Variants in EFCAB11 observed in about 807,000 individuals in gnomAD.
The protein encoded by EFCAB11 is EF-hand calcium binding domain 11, also known as EF-hand calcium-binding domain-containing protein 11.
EFCAB11 carries 14 observed loss-of-function variants against 23.0 expected under a neutral mutation model. The ratio of observed to expected loss-of-function variants is 0.61; its 90% CI spans 0.40 to 0.95. EFCAB11 has a LOEUF of 0.95. Among genes scored for constraint, EFCAB11 ranks in the 40% least tolerant of loss-of-function variants. The pLI is 0.00. For missense variants in EFCAB11, 198 were observed against 195.8 expected, an observed-to-expected ratio of 1.01 and a Z score of -0.07; for synonymous variants, 65 against 66.6, an observed-to-expected ratio of 0.98 and a Z score of 0.11.
intron 5 of EFCAB11, among the ~76,000 whole-genome samples, chr14:89,857,933 C>T (rs1386216393): frequency 1.3e-5 from 2 of 152,134 alleles, no homozygotes; most frequent in African/African-American, 2.4e-5. Context: ...ATTCTGATAT[C>T]CAGCTTCTAC....
At chr14:89,936,729 G>C (rs987104438) in intron 3 of EFCAB11, among the ~76,000 whole-genome samples, 1 of 152,156 alleles carries the variant, frequency 6.6e-6, no homozygotes. Flanking sequence ...GTAGTAATAT[G>C]ATCACTTTCC....
At chr14:89,864,794 T>G (rs1888033876) in intron 5 of EFCAB11, among the ~76,000 whole-genome samples, 1 of 152,194 alleles carries the variant, frequency 6.6e-6, no homozygotes, top group South Asian at 2.1e-4. Context: ...AATATCCCTA[T>G]GCGTCAGTGT....
At chr14:89,844,198 T>C (rs970994438) in intron 5 of EFCAB11, among the ~76,000 whole-genome samples, 1 of 152,230 alleles carries the variant, frequency 6.6e-6, no homozygotes, top group African/African-American at 2.4e-5. Flanking sequence ...GTATGGATAC[T>C]TCCCAGAATA....
At chr14:89,930,808 G>T (rs1890362574) in intron 5 of EFCAB11, among the ~76,000 whole-genome samples, 1 of 152,102 alleles carries the variant, frequency 6.6e-6, no homozygotes, top group Admixed American at 6.5e-5. Flanking sequence ...GGGTTTTCTG[G>T]CTCTCGCTGG....
At chr14:89,871,369 G>C (rs1347404370) in intron 5 of EFCAB11, among the ~76,000 whole-genome samples, 1 of 152,132 alleles carries the variant, frequency 6.6e-6, no homozygotes, top group Non-Finnish European at 1.5e-5. Flanking sequence ...ATCTGAAAGA[G>C]GGTAGAGCCT....
chr14:89,914,058 C>T (rs1889761295), intron 5 of EFCAB11, among the ~76,000 whole-genome samples: 1 of 152,182 alleles, frequency 6.6e-6, no homozygotes, highest in Non-Finnish European at 1.5e-5. Flanking sequence ...GTCAGCAACC[C>T]TGTGCTCCCT....
At chr14:89,896,329 G>A (rs866878215) in intron 5 of EFCAB11, among the ~76,000 whole-genome samples, 14 of 152,202 alleles carry the variant, frequency 9.2e-5, no homozygotes, top group Middle Eastern at 3.4e-3. Flanking sequence ...GGCGGAGCTT[G>A]CAGTGAGCCG....
chr14:89,918,372 C>T (rs924806069), intron 5 of EFCAB11, among the ~76,000 whole-genome samples: 4 of 151,946 alleles, frequency 2.6e-5, no homozygotes, highest in Admixed American at 6.6e-5. Flanking sequence ...AACCCCATCT[C>T]TACTAAAAAT....
intron 5 of EFCAB11, among the ~76,000 whole-genome samples, chr14:89,921,558 T>C (rs1388831247): frequency 6.6e-6 from 1 of 152,208 alleles, no homozygotes; most frequent in Non-Finnish European, 1.5e-5. Context: ...GATTAGGCGT[T>C]GCTAATAAGC....
rs1249768375 is a variant in EFCAB11 at position 89,797,207 on chromosome 14, G to C, written c.*36C>G. On this transcript the variant is annotated 3_prime_UTR_variant, in exon 6 of 6. Coordinates refer to ENST00000316738, the MANE Select transcript of EFCAB11 (RefSeq NM_145231.4). The stretch of plus-strand genomic sequence containing the variant: ...GAGTCTGCTGACATTACAATCTATT[G>C]ATCTCCCCAGAGTTACCAAAAGTAG... 1.9e-6 allele frequency: 3 copies of C among 1,546,538 alleles called. No individual in the cohort carries two copies. The South Asian group carries it at 3.4e-5, about 17-fold the overall frequency.
At chr14:89,848,175 T>G (rs148810087) in intron 5 of EFCAB11, among the ~76,000 whole-genome samples, 105 of 152,316 alleles carry the variant, frequency 6.9e-4, no homozygotes, top group African/African-American at 2.4e-3. Context: ...AGTGACCCCA[T>G]TTCACATATA....
At chr14:89,802,069 T>A (rs1269302763) in intron 5 of EFCAB11, among the ~76,000 whole-genome samples, 1 of 152,142 alleles carries the variant, frequency 6.6e-6, no homozygotes, top group African/African-American at 2.4e-5. Flanking sequence ...GTTGACATCA[T>A]AACAATTTCT....
At chr14:89,832,277 C>A (rs1886912225) in intron 5 of EFCAB11, among the ~76,000 whole-genome samples, 1 of 152,134 alleles carries the variant, frequency 6.6e-6, no homozygotes, top group South Asian at 2.1e-4. Flanking sequence ...TGCACCACTG[C>A]ACTCCAGCAC....
chr14:89,937,080 C>T (rs9919909), intron 3 of EFCAB11, among the ~76,000 whole-genome samples: 133,288 of 152,284 alleles, frequency 0.88, 58,703 homozygotes, highest in East Asian at 1. Flanking sequence ...CATCCTTTAC[C>T]GTGGTTACAA....
chr14:89,821,713 G>T (rs917867448), intron 5 of EFCAB11, among the ~76,000 whole-genome samples: 1 of 152,170 alleles, frequency 6.6e-6, no homozygotes, highest in Non-Finnish European at 1.5e-5. Context: ...TGGAGGTGCG[G>T]GAGAGGGAAA....
chr14:89,911,984 G>T (rs1889694091), intron 5 of EFCAB11, among the ~76,000 whole-genome samples: 1 of 152,142 alleles, frequency 6.6e-6, no homozygotes, highest in Non-Finnish European at 1.5e-5. Flanking sequence ...GGAAACTAAG[G>T]CAAGCTGAGA....
rs186342283 is a variant in EFCAB11, at chr14:89,809,637, A to T, written c.411-12313T>A. 6.6e-5 allele frequency among the ~76,000 whole-genome samples: 10 copies of T among 152,348 alleles called. No homozygotes were observed. The East Asian group carries it at 1.7e-3, about 26-fold the overall frequency. ...GTATTTACATTATGCTCAAGCACAG[A>T]CGCACAGTCACCAAGTGCAGAAGTG... On this transcript the variant is annotated intron_variant, in intron 5 of 5. Transcript: ENST00000316738.
rs1037805229 is a variant in EFCAB11 at position 89,930,729 on chromosome 14, G to A, written c.410+812C>T. On this transcript the variant is annotated intron_variant, in intron 5 of 5. Coordinates refer to ENST00000316738, the MANE Select transcript of EFCAB11 (RefSeq NM_145231.4). ...CTTCCCGACTGTGTGGTCAACATTC[G>A]CCCCTGGTTTGCCTATGTTTATATG... Among the ~76,000 whole-genome samples, 6 of 152,242 alleles carry A rather than the reference G, an allele frequency of 3.9e-5. No individual in the cohort carries two copies. In the South Asian group the frequency reaches 1.0e-3, roughly 26 times the overall value.
At chr14:89,892,816 C>T (rs554150349) in intron 5 of EFCAB11, among the ~76,000 whole-genome samples, 4 of 152,128 alleles carry the variant, frequency 2.6e-5, no homozygotes, top group East Asian at 3.9e-4. Flanking sequence ...GCAGGAGAAT[C>T]GCTTGAACCC....
Sources: gnomAD v4.1 joint callset for allele counts (sites outside exome capture counted in the v4.1 genomes callset) on GRCh38, gnomAD v4.1.1 for gene constraint, MANE v1.5 for transcripts, NCBI Gene and HGNC (gene_info 2026-07-23, HGNC 2026-07-21) for gene names.